The following PLB1 variants were observed in gnomAD, a reference collection of about 807,000 sequenced individuals.
PLB1 encodes the protein phospholipase B1, membrane-associated.
A neutral mutation model predicts 227.4 loss-of-function variants in PLB1; 242 were observed. That is an observed-to-expected ratio of 1.06 (90% confidence interval 0.96 to 1.18). The LOEUF is 1.18. PLB1 is among the 50% of genes most tolerant of loss of function. The pLI, the probability that PLB1 is intolerant of heterozygous loss-of-function variation, is 0.00. For synonymous variants in PLB1, 757 were observed against 682.2 expected, an observed-to-expected ratio of 1.11 and a Z score of -1.71; for missense variants, 1,858 against 1,816.3, an observed-to-expected ratio of 1.02 and a Z score of -0.42.
intron 32 of PLB1, 98 bp from the exon 33 acceptor site, chr2:28,593,583 G>C: frequency 1.0e-6 from 1 of 965,766 alleles, no homozygotes; most frequent in Non-Finnish European, 1.6e-6. Context: ...GCCACCACGA[G>C]TGCATTGGGA....
At position 28,605,906 on chromosome 2, in the gene PLB1, G is replaced by A; in HGVS notation, c.3015G>A (p.Gln1005=). The A allele has an allele frequency of 6.2e-7, 1 of 1,613,930 alleles. No homozygotes were observed. The highest frequency in any genetic ancestry group is 1.7e-5 in the Admixed American group (1 of 60,014). Residue 1005 remains glutamine (Q), a synonymous_variant, in exon 42 of 58, where the codon CAG becomes CAA. Coordinates refer to ENST00000327757, the MANE Select transcript of PLB1 (RefSeq NM_153021.5). ...FFAPDCIHPN[Q]KFHSQLARAL... The stretch of plus-strand genomic sequence containing the variant: ...CCCCAGACTGCATCCACCCAAATCA[G>A]AAATTCCACTCCCAGCTGGCCAGAG...
chr2:28,605,971 T>G, intron 42 of PLB1, 23 bp downstream of exon 42: 3 of 1,566,020 alleles, frequency 1.9e-6, no homozygotes, highest in Non-Finnish European at 2.6e-6. Context: ...GGGTGTTCCT[T>G]GTTCTCTGGG....
intron 16 of PLB1, among the ~76,000 whole-genome samples, chr2:28,551,259 C>T (rs1026871402): frequency 1.1e-4 from 16 of 152,172 alleles, no homozygotes; most frequent in African/African-American, 3.6e-4. Context: ...GGTAGGGGGC[C>T]CCTGACGGGC....
intron 33 of PLB1, 130 bp downstream of exon 33, chr2:28,593,884 G>C: frequency 2.4e-6 from 2 of 820,570 alleles, no homozygotes; most frequent in Non-Finnish European, 4.1e-6. Context: ...GAAAGAAAAA[G>C]CTATATATTT....
chr2:28,620,313 TGGA>T lies in PLB1; in HGVS notation c.3367_3369del (p.Arg1123del), dbSNP rs751497368. On this transcript the variant is annotated inframe_deletion, in exon 47 of 58. Transcript: ENST00000327757. Reference sequence around the variant, plus strand: ...CAACTCCAGTGACCTACCCACATCTTGGAGGGGACTCTCTTGGAGGTGAGGATG... The same window carrying T: ...CAACTCCAGTGACCTACCCACATCTTGGGGACTCTCTTGGAGGTGAGGATG... The T allele has an allele frequency of 1.0e-5, 16 of 1,605,236 alleles. No individual in the cohort carries two copies. Among genetic ancestry groups the T allele is most frequent in the Non-Finnish European group, 1.1e-5 (13 of 1,175,500 alleles).
intron 32 of PLB1, among the ~76,000 whole-genome samples, chr2:28,593,143 G>C (rs936964121): frequency 3.3e-5 from 5 of 152,114 alleles, no homozygotes; most frequent in Non-Finnish European, 7.4e-5. Flanking sequence ...ATGAAGCTCT[G>C]CTCCTAACTT....
At chr2:28,525,863 A>T (rs377117302) in intron 5 of PLB1, 42 bp from the exon 6 acceptor site, 9 of 1,611,750 alleles carry the variant, frequency 5.6e-6, no homozygotes, top group Non-Finnish European at 7.6e-6. Context: ...GGCAGGTGAC[A>T]CAAATGCAGC....
At chr2:28,636,494 G>T (rs1008102833) in intron 56 of PLB1, among the ~76,000 whole-genome samples, 1 of 152,140 alleles carries the variant, frequency 6.6e-6, no homozygotes, top group South Asian at 2.1e-4. Flanking sequence ...CCAAAAGAAA[G>T]GTATATATGT....
At chr2:28,630,038 T>C (rs1304994886) in intron 53 of PLB1, among the ~76,000 whole-genome samples, 2 of 152,178 alleles carry the variant, frequency 1.3e-5, no homozygotes, top group African/African-American at 4.8e-5. Flanking sequence ...AGTCTGTCTG[T>C]ATCGTGTTCC....
At chr2:28,522,109 G>A (rs1412837960) in intron 4 of PLB1, among the ~76,000 whole-genome samples, 1 of 148,240 alleles carries the variant, frequency 6.7e-6, no homozygotes, top group Non-Finnish European at 1.5e-5. Flanking sequence ...ACTTGGCTTG[G>A]ACTCCCTGCC....
At chr2:28,556,391 C>G (rs901510246) in intron 17 of PLB1, among the ~76,000 whole-genome samples, 4 of 152,236 alleles carry the variant, frequency 2.6e-5, no homozygotes, top group African/African-American at 4.8e-5. Flanking sequence ...GGATGAGATA[C>G]ATAGAGTTAA....
rs749514509 is a variant in PLB1, at chr2:28,600,867, C to T, written c.2526+7C>T. ...GAAGATGAAAGATGATCATGTGAGT[C>T]AGATTTACTGTTATTTCTAAACATT... On this transcript the variant is annotated splice_region_variant and intron_variant, in intron 36 of 57. Coordinates refer to ENST00000327757, the MANE Select transcript of PLB1 (RefSeq NM_153021.5). 77 of 1,605,202 alleles carry T rather than the reference C, an allele frequency of 4.8e-5. 2 individuals are homozygous for T. In the South Asian group the frequency reaches 8.0e-4, roughly 17 times the overall value.
At chr2:28,570,113 T>G (rs1278537833) in intron 20 of PLB1, among the ~76,000 whole-genome samples, 1 of 152,150 alleles carries the variant, frequency 6.6e-6, no homozygotes, top group African/African-American at 2.4e-5. Context: ...TTAGTATCAA[T>G]TACTAGTTCT....
chr2:28,632,892 C>T, intron 55 of PLB1, 52 bp from the exon 56 acceptor site: 1 of 1,376,806 alleles, frequency 7.3e-7, no homozygotes, highest in South Asian at 1.2e-5. Flanking sequence ...GAGTGGGGCT[C>T]AGGTAGCAGA....
chr2:28,618,269 C>T, intron 45 of PLB1, 72 bp from the exon 46 acceptor site: 1 of 1,360,866 alleles, frequency 7.3e-7, no homozygotes, highest in Non-Finnish European at 1.0e-6. Flanking sequence ...TTATAGACTT[C>T]TGGTAAAATG....
intron 52 of PLB1, 117 bp from the exon 53 acceptor site, chr2:28,628,977 G>A: frequency 1.2e-6 from 1 of 802,744 alleles, no homozygotes. Context: ...CCCCTCTCTG[G>A]GCCTCAGTTT....
intron 8 of PLB1, among the ~76,000 whole-genome samples, chr2:28,531,118 A>G (rs910024051): frequency 6.6e-6 from 1 of 152,236 alleles, no homozygotes; most frequent in African/African-American, 2.4e-5. Context: ...ATGCATGTTC[A>G]TAACCGAAAA....
chr2:28,600,885 T>C, intron 36 of PLB1, 25 bp downstream of exon 36: 4 of 1,591,854 alleles, frequency 2.5e-6, no homozygotes, highest in Non-Finnish European at 3.4e-6. Flanking sequence ...CTGTTATTTC[T>C]AAACATTAAT....
At chr2:28,583,622 G>A (rs1184293106) in intron 25 of PLB1, among the ~76,000 whole-genome samples, 1 of 152,206 alleles carries the variant, frequency 6.6e-6, no homozygotes, top group Non-Finnish European at 1.5e-5. Flanking sequence ...GCCTCCTTCA[G>A]CTGCGATGCA....
Sources: allele counts gnomAD v4.1 joint callset (sites outside exome capture counted in the v4.1 genomes callset), GRCh38; gene constraint gnomAD v4.1.1; transcripts MANE v1.5; gene names NCBI Gene and HGNC (gene_info 2026-07-23, HGNC 2026-07-21).